Variants in ZNF727 observed in about 807,000 individuals in gnomAD.
ZNF727 encodes the protein putative zinc finger protein 727.
A neutral mutation model predicts 11.5 loss-of-function variants in ZNF727; 11 were observed. That is an observed-to-expected ratio of 0.95 (90% CI 0.60 to 1.58). The LOEUF is 1.58. ZNF727 is among the 40% of genes most tolerant of loss of function. ZNF727 has a pLI of 0.00. For synonymous variants in ZNF727, 171 were observed against 196.1 expected, an observed-to-expected ratio of 0.87 and a Z score of 1.07; for missense variants, 533 against 581.7, an observed-to-expected ratio of 0.92 and a Z score of 0.86.
chr7:64,067,835 C>G (rs1789893974), intron 1 of ZNF727, among the ~76,000 whole-genome samples: 1 of 152,010 alleles, frequency 6.6e-6, no homozygotes, highest in Non-Finnish European at 1.5e-5. Context: ...AGCAAACCAC[C>G]TTGACACATG....
Position 64,077,550 on chromosome 7 carries a change from T to C in ZNF727, c.501T>C (p.Phe167=), listed in dbSNP as rs766088108. Residue 167 remains phenylalanine, a synonymous_variant, in exon 4 of 4, where the codon TTT becomes TTC. Coordinates refer to ENST00000456806, the MANE Select transcript of ZNF727 (RefSeq NM_001159522.3). ...CSIFTEHKKI[F]SREKCYKCEE... is the part of the protein sequence containing the mutation. ...TCTTCACTGAACATAAGAAAATTTTTAGCAGAGAGAAATGCTACAAATGTG... is the reference window on the plus strand; with the variant it reads ...TCTTCACTGAACATAAGAAAATTTTCAGCAGAGAGAAATGCTACAAATGTG... The C allele has an allele frequency of 1.3e-6, 2 of 1,551,454 alleles. No homozygotes were observed. The highest frequency in any genetic ancestry group is 1.2e-5 in the South Asian group (1 of 84,050).
At position 64,078,361 on chromosome 7, in the gene ZNF727, G is replaced by T. The variant is rs554031557; in HGVS notation, c.1312G>T (p.Asp438Tyr). The change falls in exon 4 of 4, where the codon GAC (aspartate) becomes TAC (tyrosine). Residue 438 changes from aspartate to tyrosine, a missense_variant. Transcript: ENST00000456806. ...TGGCAAAACCTTTAAGTGGTTCCCA[G>T]ACCTGACTAATCATAAGAGAATTCA... Reference protein sequence around the residue: ...ECGKTFKWFPDLTNHKRIHTG... With the variant: ...ECGKTFKWFPYLTNHKRIHTG... 12 of 1,581,778 alleles carry T rather than the reference G, an allele frequency of 7.6e-6. No individual in the cohort carries two copies. The Admixed American group carries it at 1.6e-4, about 22-fold the overall frequency.
intron 1 of ZNF727, among the ~76,000 whole-genome samples, chr7:64,065,544 C>T (rs960321530): frequency 4.6e-5 from 7 of 152,118 alleles, no homozygotes; most frequent in African/African-American, 1.7e-4. Flanking sequence ...TCTCAAGAAA[C>T]AGGTTTAATT....
intron 1 of ZNF727, among the ~76,000 whole-genome samples, chr7:64,062,043 ATATC>A (rs1789780167): frequency 4.7e-5 from 1 of 21,372 alleles, no homozygotes; most frequent in Admixed American, 5.0e-4. Flanking sequence ...GTTTCTATTT[ATATC>A]TTATTATGCT....
Position 64,069,518 on chromosome 7 carries a change from T to G in ZNF727, c.135T>G (p.Leu45=). The G allele has an allele frequency of 6.4e-7, 1 of 1,553,888 alleles. No homozygotes were observed. Among genetic ancestry groups the G allele is most frequent in the African/African-American group, 1.4e-5 (1 of 73,202 alleles). The change falls in exon 3 of 4, where the codon CTT becomes CTG. Residue 45 remains leucine (L), a synonymous_variant. Coordinates refer to ENST00000456806, the MANE Select transcript of ZNF727 (RefSeq NM_001159522.3). ...TATTTTTTTCTAATAAAACAGGTCT[T>G]GCTATCTTTAAGCCAGACTTGATTA... The part of the protein sequence containing the change: ...ENYGNLFSLG[L]AIFKPDLITY...
intron 3 of ZNF727, among the ~76,000 whole-genome samples, chr7:64,076,512 G>A (rs1269079680): frequency 6.6e-6 from 1 of 152,064 alleles, no homozygotes; most frequent in African/African-American, 2.4e-5. Flanking sequence ...GGCTGAGGCA[G>A]GAGAATTGCC....
intron 1 of ZNF727, among the ~76,000 whole-genome samples, chr7:64,049,351 C>T (rs1452045138): frequency 2.0e-5 from 3 of 151,836 alleles, no homozygotes; most frequent in Admixed American, 6.6e-5. Context: ...AACCTCTAAA[C>T]CCAGCAAGAT....
At chr7:64,071,398 C>T (rs1392817026) in intron 3 of ZNF727, among the ~76,000 whole-genome samples, 2 of 152,084 alleles carry the variant, frequency 1.3e-5, no homozygotes, top group African/African-American at 4.8e-5. Context: ...TGTTGCCCAA[C>T]TATATGTTTT....
At position 64,079,760 on chromosome 7, in the gene ZNF727, G is replaced by A. The variant is rs1785753580; in HGVS notation, c.*1211G>A. Among the ~76,000 whole-genome samples, 1 of 152,128 alleles carries A rather than the reference G, an allele frequency of 6.6e-6. No homozygotes were observed. Among genetic ancestry groups the A allele is most frequent in the African/African-American group, 2.4e-5 (1 of 41,424 alleles). On this transcript the variant is annotated 3_prime_UTR_variant, in exon 4 of 4. Transcript: ENST00000456806. ...ATGTGGTGGCTTTATCATGTCAGTG[G>A]TTTGTGTACTTTAGTGTGTTTTTGT...
rs1785851015 is a variant in ZNF727 at position 64,084,979 on chromosome 7, T to C, written c.*6430T>C. ...CTGCTTTGTATTAAATTCATTTATC[T>C]GAAATGTTATTGCTCCTGACTTAGA... On this transcript the variant is annotated 3_prime_UTR_variant, in exon 4 of 4. Transcript: ENST00000456806. Among the ~76,000 whole-genome samples the C allele has an allele frequency of 6.6e-6, 1 of 152,016 alleles. No homozygotes were observed. The highest frequency in any genetic ancestry group is 6.6e-5 in the Admixed American group (1 of 15,230).
rs1362870174 is a variant in ZNF727 at position 64,081,876 on chromosome 7, G to A, written c.*3327G>A. 6.6e-6 allele frequency among the ~76,000 whole-genome samples: 1 copy of A among 152,140 alleles called. No homozygotes were observed. Among genetic ancestry groups the A allele is most frequent in the Non-Finnish European group, 1.5e-5 (1 of 68,026 alleles). ...ACTAAACCCTCTGGGTACCACATGAGCTGGGTTGCTGCCCCACCTCTTTGC... is the reference window on the plus strand; with the variant it reads ...ACTAAACCCTCTGGGTACCACATGAACTGGGTTGCTGCCCCACCTCTTTGC... On this transcript the variant is annotated 3_prime_UTR_variant, in exon 4 of 4. Coordinates refer to ENST00000456806, the MANE Select transcript of ZNF727 (RefSeq NM_001159522.3).
At chr7:64,045,707 C>A in intron 1 of ZNF727, 83 bp downstream of exon 1, 1 of 1,534,170 alleles carries the variant, frequency 6.5e-7, no homozygotes. Flanking sequence ...GGATCTTGGC[C>A]TCGCGGTCAG....
At position 64,082,448 on chromosome 7, in the gene ZNF727, C is replaced by A. The variant is rs1346890347; in HGVS notation, c.*3899C>A. 2.6e-5 allele frequency among the ~76,000 whole-genome samples: 4 copies of A among 152,208 alleles called. No homozygotes were observed. Among genetic ancestry groups the A allele is most frequent in the African/African-American group, 9.6e-5 (4 of 41,454 alleles). ...GTAAAACAGCAACAATGGCAGCATG[C>A]CCTTTTTTCTAAGAGCTCCATCTAA... is the stretch of plus-strand genomic sequence containing the variant. On this transcript the variant is annotated 3_prime_UTR_variant, in exon 4 of 4. Transcript: ENST00000456806.
intron 3 of ZNF727, among the ~76,000 whole-genome samples, chr7:64,070,135 A>C (rs1789938482): frequency 6.6e-6 from 1 of 152,112 alleles, no homozygotes; most frequent in Admixed American, 6.6e-5. Context: ...GTGATTTTAC[A>C]GAAATTTATA....
intron 1 of ZNF727, among the ~76,000 whole-genome samples, chr7:64,047,961 CAG>C (rs767241143): frequency 7.9e-5 from 12 of 152,298 alleles, no homozygotes; most frequent in South Asian, 2.1e-4. Flanking sequence ...ATCTGCCACA[CAG>C]GGGGCAAGTG....
intron 3 of ZNF727, among the ~76,000 whole-genome samples, chr7:64,071,557 T>C (rs1789962509): frequency 6.6e-6 from 1 of 152,020 alleles, no homozygotes; most frequent in African/African-American, 2.4e-5. Flanking sequence ...ATGGTTTTCT[T>C]ATACTATTTT....
intron 1 of ZNF727, among the ~76,000 whole-genome samples, chr7:64,061,441 T>G (rs555796777): frequency 6.3e-4 from 96 of 151,636 alleles, no homozygotes; most frequent in African/African-American, 2.3e-3. Context: ...TTTCTCTTTT[T>G]ATAGTTTTTT....
rs1177802522 is a variant in ZNF727 at position 64,081,542 on chromosome 7, C to G, written c.*2993C>G. Among the ~76,000 whole-genome samples the G allele has an allele frequency of 6.6e-6, 1 of 152,120 alleles. No individual in the cohort carries two copies. Among genetic ancestry groups the G allele is most frequent in the Non-Finnish European group, 1.5e-5 (1 of 68,022 alleles). ...GGAGTATAGGGAAGAAACATGTGAG[C>G]TGGTGCAGTCACAGGGGCTGCCTTG... On this transcript the variant is annotated 3_prime_UTR_variant, in exon 4 of 4. Transcript: ENST00000456806.
Position 64,083,469 on chromosome 7 carries a change from A to G in ZNF727, c.*4920A>G, listed in dbSNP as rs1480459508. On this transcript the variant is annotated 3_prime_UTR_variant, in exon 4 of 4. Coordinates refer to ENST00000456806, the MANE Select transcript of ZNF727 (RefSeq NM_001159522.3). ...TCGCCTCTTGCCTATGGGTATGTACAAGGTTATAACCTCCTGTTTGCTGAG... is the reference window on the plus strand; with the variant it reads ...TCGCCTCTTGCCTATGGGTATGTACGAGGTTATAACCTCCTGTTTGCTGAG... Among the ~76,000 whole-genome samples the G allele has an allele frequency of 6.6e-6, 1 of 152,180 alleles. No individual in the cohort carries two copies. Among genetic ancestry groups the G allele is most frequent in the Non-Finnish European group, 1.5e-5 (1 of 68,032 alleles).
Sources: gnomAD v4.1 joint callset for allele counts (sites outside exome capture counted in the v4.1 genomes callset) on GRCh38, gnomAD v4.1.1 for gene constraint, MANE v1.5 for transcripts, NCBI Gene and HGNC (gene_info 2026-07-23, HGNC 2026-07-21) for gene names.